PDE4B: variants seen among roughly 807,000 people sequenced by gnomAD.
PDE4B encodes 3',5'-cyclic-AMP phosphodiesterase 4B.
Under a neutral mutation model 82.2 loss-of-function variants are expected in PDE4B, and 20 were observed. The observed-to-expected ratio is 0.24, with a 90% CI of 0.17 to 0.35. PDE4B has a LOEUF of 0.35. Ranked by LOEUF, PDE4B falls within the 10% of genes least tolerant of loss-of-function variation. The probability of loss-of-function intolerance (pLI) is 1.00; values close to 1 mark genes in which losing one functional copy is unlikely to be tolerated. For missense variants in PDE4B, 655 were observed against 907.2 expected, an observed-to-expected ratio of 0.72 and a Z score of 3.57; for synonymous variants, 320 against 318.9, an observed-to-expected ratio of 1.00 and a Z score of -0.04.
chr1:66,086,429 C>G (rs769273166), intron 3 of PDE4B, among the ~76,000 whole-genome samples: 1 of 152,030 alleles, frequency 6.6e-6, no homozygotes, highest in East Asian at 1.9e-4. Flanking sequence ...AGCCACCTGG[C>G]CAGGGCTGGG....
chr1:66,186,369 A>G lies in PDE4B; in HGVS notation c.282-61091A>G, dbSNP rs568100355. ...TAAAGTAGTTTTTTCCAATTCAGTG[A>G]AGAAAGTCATTGGTAACTTGATGGA... is the stretch of plus-strand genomic sequence containing the variant. On this transcript the variant is annotated intron_variant, in intron 3 of 16. Coordinates refer to ENST00000341517, the MANE Select transcript of PDE4B (RefSeq NM_002600.4). Among the ~76,000 whole-genome samples the G allele has an allele frequency of 2.1e-4, 32 of 152,286 alleles. 1 individual carries two copies. The highest frequency in any genetic ancestry group is 7.8e-4 in the Admixed American group (12 of 15,290).
intron 8 of PDE4B, among the ~76,000 whole-genome samples, chr1:66,341,575 A>G (rs1435596478): frequency 6.6e-6 from 1 of 152,216 alleles, no homozygotes; most frequent in Non-Finnish European, 1.5e-5. Flanking sequence ...AAAGCCTTAA[A>G]TTTTTGAGGC....
At chr1:66,018,795 T>C (rs888922577) in intron 3 of PDE4B, among the ~76,000 whole-genome samples, 1 of 152,206 alleles carries the variant, frequency 6.6e-6, no homozygotes, top group African/African-American at 2.4e-5. Context: ...TTATCCTCTA[T>C]GTGCAAAGAA....
chr1:66,188,947 T>C (rs1647464121), intron 3 of PDE4B, among the ~76,000 whole-genome samples: 1 of 152,222 alleles, frequency 6.6e-6, no homozygotes, highest in South Asian at 2.1e-4. Context: ...CTTTACAATT[T>C]GGCATGTCTT....
At chr1:66,203,886 G>A (rs1411844163) in intron 3 of PDE4B, among the ~76,000 whole-genome samples, 1 of 152,172 alleles carries the variant, frequency 6.6e-6, no homozygotes, top group Non-Finnish European at 1.5e-5. Context: ...TCCATTACTG[G>A]TGAGGAACTG....
intron 1 of PDE4B, among the ~76,000 whole-genome samples, chr1:65,794,396 T>C (rs912634970): frequency 1.3e-5 from 2 of 152,332 alleles, no homozygotes; most frequent in African/African-American, 4.8e-5. Flanking sequence ...CCAAAAGCTG[T>C]TATTATACCA....
chr1:65,829,094 A>G (rs1646051975), intron 1 of PDE4B, among the ~76,000 whole-genome samples: 3 of 152,176 alleles, frequency 2.0e-5, no homozygotes, highest in South Asian at 2.1e-4. Context: ...ATAAAGAATT[A>G]TATAAGTTAA....
At chr1:65,947,533 T>C (rs1166298771) in intron 3 of PDE4B, among the ~76,000 whole-genome samples, 2 of 152,038 alleles carry the variant, frequency 1.3e-5, no homozygotes, top group Non-Finnish European at 2.9e-5. Context: ...TATCTATGAA[T>C]GTGACCTTGT....
intron 3 of PDE4B, among the ~76,000 whole-genome samples, chr1:66,017,709 C>T (rs1652855666): frequency 6.6e-6 from 1 of 152,144 alleles, no homozygotes; most frequent in Admixed American, 6.5e-5. Flanking sequence ...GAATAAGTCC[C>T]TATGCCATGC....
chr1:66,198,401 A>G (rs1377079016), intron 3 of PDE4B, among the ~76,000 whole-genome samples: 1 of 152,094 alleles, frequency 6.6e-6, no homozygotes, highest in Non-Finnish European at 1.5e-5. Flanking sequence ...AACAAAAAAC[A>G]TAAACAAAAA....
At chr1:65,852,396 A>C (rs1030369661) in intron 1 of PDE4B, among the ~76,000 whole-genome samples, 1 of 151,786 alleles carries the variant, frequency 6.6e-6, no homozygotes, top group African/African-American at 2.4e-5. Flanking sequence ...TTTAATTGAC[A>C]TAGGAGTATT....
At chr1:66,354,464 CAGAGTTCAGCTGAGT>C (rs2102001066) in intron 8 of PDE4B, 1 of 998,776 alleles carries the variant, frequency 1.0e-6, no homozygotes, top group African/African-American at 1.7e-5. Context: ...TTCTTCCTTG[CAGAGTTCAGCTGAGT>C]AGGACTAATG....
intron 7 of PDE4B, among the ~76,000 whole-genome samples, chr1:66,315,825 CT>C: frequency 6.6e-6 from 1 of 152,228 alleles, no homozygotes; most frequent in East Asian, 1.9e-4. Flanking sequence ...GAGTCATTCC[CT>C]CTTCCTCATC....
At chr1:66,299,602 G>C (rs922444189) in intron 7 of PDE4B, among the ~76,000 whole-genome samples, 1 of 152,064 alleles carries the variant, frequency 6.6e-6, no homozygotes, top group South Asian at 2.1e-4. Flanking sequence ...ACTGTAATAT[G>C]GTAATTCTAT....
intron 7 of PDE4B, among the ~76,000 whole-genome samples, chr1:66,324,584 C>T (rs1274507358): frequency 6.6e-6 from 1 of 152,102 alleles, no homozygotes; most frequent in Non-Finnish European, 1.5e-5. Flanking sequence ...TACTTGTAGT[C>T]TTAGAGGAAT....
intron 1 of PDE4B, among the ~76,000 whole-genome samples, chr1:65,878,340 A>G (rs1033599675): frequency 2.6e-5 from 4 of 152,236 alleles, no homozygotes; most frequent in Admixed American, 2.6e-4. Context: ...TCAAGGATCT[A>G]GAACCAGAAA....
At chr1:66,304,557 G>A (rs1658135500) in intron 7 of PDE4B, among the ~76,000 whole-genome samples, 1 of 152,040 alleles carries the variant, frequency 6.6e-6, no homozygotes, top group Non-Finnish European at 1.5e-5. Context: ...TTTCCATGCG[G>A]ATAATGCCAT....
At chr1:66,108,606 A>T (rs1645420967) in intron 3 of PDE4B, among the ~76,000 whole-genome samples, 2 of 152,006 alleles carry the variant, frequency 1.3e-5, no homozygotes, top group African/African-American at 4.8e-5. Flanking sequence ...TAGCAAGAAA[A>T]CAATCCAATT....
rs72920229 is a variant in PDE4B, at chr1:66,080,344, T to C, written c.281+161509T>C. Among the ~76,000 whole-genome samples, 1,326 of 152,192 alleles carry C rather than the reference T, an allele frequency of 8.7e-3. 19 individuals are homozygous for C. The highest frequency in any genetic ancestry group is 0.03 in the African/African-American group (1,242 of 41,528). ...GTTGTTGAAAACTGAGCAAATAAGATGCGTTGACAAAACCAGTCAGTCTAA... is the reference window on the plus strand; with the variant it reads ...GTTGTTGAAAACTGAGCAAATAAGACGCGTTGACAAAACCAGTCAGTCTAA... On this transcript the variant is annotated intron_variant, in intron 3 of 16. Coordinates refer to ENST00000341517, the MANE Select transcript of PDE4B (RefSeq NM_002600.4).
Sources: allele counts gnomAD v4.1 joint callset (sites outside exome capture counted in the v4.1 genomes callset), GRCh38; gene constraint gnomAD v4.1.1; transcripts MANE v1.5; gene names NCBI Gene and HGNC (gene_info 2026-07-23, HGNC 2026-07-21).